Variants in STXBP4 observed in about 807,000 individuals in gnomAD.
STXBP4 encodes syntaxin binding protein 4, also known as syntaxin-binding protein 4.
In STXBP4, 55 loss-of-function variants were observed where a neutral mutation model predicts 76.1. The ratio of observed to expected loss-of-function variants is 0.72; its 90% CI spans 0.58 to 0.91. The LOEUF (loss-of-function observed/expected upper bound fraction) is 0.91. Among genes scored for constraint, STXBP4 ranks in the 40% least tolerant of loss-of-function variants. The pLI is 0.00. For synonymous variants in STXBP4, 201 were observed against 220.2 expected, an observed-to-expected ratio of 0.91 and a Z score of 0.77; for missense variants, 618 against 636.9, an observed-to-expected ratio of 0.97 and a Z score of 0.32.
At chr17:55,069,441 A>G (rs933651596) in intron 12 of STXBP4, among the ~76,000 whole-genome samples, 1 of 152,120 alleles carries the variant, frequency 6.6e-6, no homozygotes, top group African/African-American at 2.4e-5. Flanking sequence ...CTGACATAGG[A>G]GGCTGTACAG....
chr17:55,102,830 G>C (rs1224613489), intron 16 of STXBP4, among the ~76,000 whole-genome samples: 1 of 152,172 alleles, frequency 6.6e-6, no homozygotes, highest in Non-Finnish European at 1.5e-5. Context: ...TAACTGGCGT[G>C]AGATGGTATC....
chr17:55,202,377 T>A, the STXBP4 span, among the ~76,000 whole-genome samples: 1 of 151,656 alleles, frequency 6.6e-6, no homozygotes, highest in Admixed American at 6.6e-5. Flanking sequence ...GTAGGACCTG[T>A]TACCACAGGT....
intron 13 of STXBP4, 95 bp downstream of exon 13, chr17:55,073,171 A>C: frequency 8.7e-7 from 1 of 1,155,152 alleles, no homozygotes; most frequent in South Asian, 1.3e-5. Context: ...CTTCTAAACT[A>C]GGTCAGTGTT....
At chr17:55,183,299 CAA>C in the STXBP4 span, among the ~76,000 whole-genome samples, 2 of 152,136 alleles carry the variant, frequency 1.3e-5, no homozygotes, top group South Asian at 2.1e-4. Context: ...TAAAATAAGA[CAA>C]GAGGCTAGGC....
the STXBP4 span, among the ~76,000 whole-genome samples, chr17:55,188,726 A>G: frequency 6.6e-6 from 1 of 152,192 alleles, no homozygotes; most frequent in Non-Finnish European, 1.5e-5. Context: ...CCTTTCTACC[A>G]AAGTGATTCC....
intron 13 of STXBP4, among the ~76,000 whole-genome samples, chr17:55,075,007 T>G (rs2079163404): frequency 6.6e-6 from 1 of 152,042 alleles, no homozygotes; most frequent in Admixed American, 6.6e-5. Context: ...ACAGTACATT[T>G]ATTTTTCATT....
chr17:55,037,585 T>C (rs527450170), intron 10 of STXBP4, among the ~76,000 whole-genome samples: 4 of 152,284 alleles, frequency 2.6e-5, no homozygotes, highest in Non-Finnish European at 4.4e-5. Context: ...GACATGTCAA[T>C]AATTCTGACA....
At chr17:55,134,485 C>G (rs530420543) in intron 16 of STXBP4, among the ~76,000 whole-genome samples, 7 of 152,084 alleles carry the variant, frequency 4.6e-5, no homozygotes, top group African/African-American at 1.4e-4. Context: ...ACATGAAGAT[C>G]CATTATTTCA....
At chr17:55,141,482 T>C in intron 17 of STXBP4, 115 bp downstream of exon 17, 1 of 773,300 alleles carries the variant, frequency 1.3e-6, no homozygotes, top group South Asian at 2.3e-5. Context: ...CAAAAATTAG[T>C]AACAAGAAAT....
intron 16 of STXBP4, among the ~76,000 whole-genome samples, chr17:55,087,754 A>G (rs1174443837): frequency 6.6e-6 from 1 of 151,520 alleles, no homozygotes; most frequent in Non-Finnish European, 1.5e-5. Context: ...AAATTTTAGA[A>G]TTTTTTTCTG....
chr17:55,093,783 A>G (rs1486571263), intron 16 of STXBP4, among the ~76,000 whole-genome samples: 4 of 152,202 alleles, frequency 2.6e-5, no homozygotes, highest in Non-Finnish European at 5.9e-5. Context: ...AATGATTTAC[A>G]TTCATTATTT....
intron 12 of STXBP4, among the ~76,000 whole-genome samples, chr17:55,062,087 C>CT (rs548684659): frequency 2.8e-4 from 41 of 144,092 alleles, no homozygotes; most frequent in Middle Eastern, 7.0e-3. Flanking sequence ...TCTTAAAAGG[C>CT]TTTTTTTTTT....
At position 55,029,052 on chromosome 17, in the gene STXBP4, A is replaced by T. The variant is rs943347644; in HGVS notation, c.667-2116A>T. Among the ~76,000 whole-genome samples the T allele has an allele frequency of 2.9e-4, 44 of 150,796 alleles. 1 individual carries two copies. Among genetic ancestry groups the T allele is most frequent in the Middle Eastern group, 6.8e-3 (2 of 292 alleles). ...GACATGTATAATGTTCTGTAATTTA[A>T]AAAAAAAAGCAGATTGGAGTAGTTA... is the stretch of plus-strand genomic sequence containing the variant. On this transcript the variant is annotated intron_variant, in intron 8 of 17. Coordinates refer to ENST00000376352, the MANE Select transcript of STXBP4 (RefSeq NM_178509.6).
rs559604401 is a variant in STXBP4, at chr17:55,165,372, T to C, written c.*5461T>C. The C allele has an allele frequency of 6.6e-6, 1 of 152,300 alleles. No individual in the cohort carries two copies. Among genetic ancestry groups the C allele is most frequent in the South Asian group, 2.1e-4 (1 of 4,820 alleles). The allele number at this position is 152,300 out of a possible 1,614,324, so 9.4% of individuals were successfully genotyped here. A position where few individuals can be genotyped will look rare whatever the true frequency, so the allele number is the denominator to read the frequency against. The stretch of plus-strand genomic sequence containing the variant: ...GGGAGCAGCAAAACCTCAATTACAT[T>C]TGTCCCCTAGAATGGAAATGATTAT... On this transcript the variant is annotated 3_prime_UTR_variant, in exon 18 of 18. Transcript: ENST00000376352.
chr17:55,177,137 T>A (rs2080434037), downstream of STXBP4, among the ~76,000 whole-genome samples: 1 of 152,138 alleles, frequency 6.6e-6, no homozygotes, highest in Non-Finnish European at 1.5e-5. Context: ...CTTATCTCTG[T>A]ACCTATAATG....
the STXBP4 span, among the ~76,000 whole-genome samples, chr17:55,180,139 T>A: frequency 6.6e-6 from 1 of 152,128 alleles, no homozygotes; most frequent in Non-Finnish European, 1.5e-5. Flanking sequence ...GCCTCCTCCA[T>A]TGGGCACAAA....
At position 55,047,114 on chromosome 17, in the gene STXBP4, A is replaced by G. The variant is rs891246941; in HGVS notation, c.971A>G (p.Gln324Arg). The change falls in exon 12 of 18, where the codon CAA becomes CGA. Residue 324 changes from glutamine (Q) to arginine (R), a missense_variant. Physicochemically the swap from Gln to Arg is conservative, Grantham distance 43. Coordinates refer to ENST00000376352, the MANE Select transcript of STXBP4 (RefSeq NM_178509.6). Reference protein sequence around the residue: ...LKEKLLESDKQRKQLTEELQN... With the variant: ...LKEKLLESDKRRKQLTEELQN... The stretch of plus-strand genomic sequence containing the variant: ...GAAAAATTATTGGAATCAGATAAGC[A>G]AAGGAAACAATTGACAGAAGAGCTC... 1.9e-6 allele frequency: 3 copies of G among 1,607,776 alleles called. No individual in the cohort carries two copies. The highest frequency in any genetic ancestry group is 3.4e-5 in the Admixed American group (2 of 59,554).
chr17:55,087,007 C>T (rs1263757158), intron 16 of STXBP4, among the ~76,000 whole-genome samples: 3 of 151,934 alleles, frequency 2.0e-5, no homozygotes, highest in South Asian at 2.1e-4. Flanking sequence ...ATTTCCCTGA[C>T]GATTAGTGAT....
rs545929374 is a variant in STXBP4 at position 55,051,953 on chromosome 17, T to G, written c.1011+4799T>G. Among the ~76,000 whole-genome samples, 44 of 152,174 alleles carry G rather than the reference T, an allele frequency of 2.9e-4. 1 individual carries two copies. The highest frequency in any genetic ancestry group is 6.8e-3 in the Middle Eastern group (2 of 294). On this transcript the variant is annotated intron_variant, in intron 12 of 17. Coordinates refer to ENST00000376352, the MANE Select transcript of STXBP4 (RefSeq NM_178509.6). The stretch of plus-strand genomic sequence containing the variant: ...TGTCCTGATACACCCAATCCAAGTT[T>G]AAAATATCAAGTAGAAAATGTGTTT...
Sources: allele counts gnomAD v4.1 joint callset (sites outside exome capture counted in the v4.1 genomes callset), GRCh38; gene constraint gnomAD v4.1.1; transcripts MANE v1.5; gene names NCBI Gene and HGNC (gene_info 2026-07-23, HGNC 2026-07-21).